GFRA1: variants seen among roughly 807,000 people sequenced by gnomAD.
The protein encoded by GFRA1 is GDNF family receptor alpha-1.
In GFRA1, 16 loss-of-function variants were observed where a neutral mutation model predicts 51.6. The observed-to-expected ratio is 0.31, with a 90% CI of 0.21 to 0.47. GFRA1 has a LOEUF of 0.47. GFRA1 is among the 20% of genes least tolerant of loss of function. The probability of loss-of-function intolerance (pLI) is 1.00; values close to 1 mark genes in which losing one functional copy is unlikely to be tolerated. For missense variants in GFRA1, 530 were observed against 594.3 expected (o/e 0.89, Z 1.13); for synonymous variants, 270 against 241.3 (o/e 1.12, Z -1.10).
rs188768257 is a variant in GFRA1 at position 116,238,233 on chromosome 10, C to T, written c.419-26588G>A. Among the ~76,000 whole-genome samples the T allele has an allele frequency of 1.9e-3, 284 of 152,304 alleles. 2 individuals are homozygous for T. Among genetic ancestry groups the T allele is most frequent in the African/African-American group, 6.6e-3 (274 of 41,562 alleles). On this transcript the variant is annotated intron_variant, in intron 4 of 10. Coordinates refer to ENST00000355422, the MANE Select transcript of GFRA1 (RefSeq NM_005264.8). ...GTGCAGCGTTTGACAACAGGAGAGC[C>T]GTGTCTTTCAATGTGGCAGGCCCTG...
intron 9 of GFRA1, among the ~76,000 whole-genome samples, chr10:116,075,966 G>T (rs568927246): frequency 5.1e-4 from 78 of 151,764 alleles, no homozygotes; most frequent in Admixed American, 2.0e-3. Flanking sequence ...AGATGGTCTC[G>T]ATCTCCTGAA....
At chr10:116,199,132 G>C (rs1210652455) in intron 5 of GFRA1, among the ~76,000 whole-genome samples, 2 of 152,118 alleles carry the variant, frequency 1.3e-5, no homozygotes, top group African/African-American at 4.8e-5. Flanking sequence ...CTTGATTTCA[G>C]ACTTCCAATC....
chr10:116,262,426 A>ACAGAAAGACATAGGTTTTT (rs1264187780), intron 4 of GFRA1, among the ~76,000 whole-genome samples: 2 of 152,214 alleles, frequency 1.3e-5, no homozygotes, highest in Non-Finnish European at 2.9e-5. Context: ...GGTCAGTGAG[A>ACAGAAAGACATAGGTTTTT]CAGAAAGACA....
intron 9 of GFRA1, among the ~76,000 whole-genome samples, chr10:116,076,527 G>A (rs183479836): frequency 6.6e-6 from 1 of 152,270 alleles, no homozygotes; most frequent in African/African-American, 2.4e-5. Context: ...TTTACCGGGT[G>A]GAGGGTTCAA....
intron 4 of GFRA1, among the ~76,000 whole-genome samples, chr10:116,221,918 TTAAGG>T (rs1965952599): frequency 1.3e-5 from 2 of 152,166 alleles, no homozygotes; most frequent in African/African-American, 2.4e-5. Context: ...ATGGCAATTG[TTAAGG>T]TAAGGTAAGG....
At chr10:116,135,893 G>A (rs1050618045) in intron 5 of GFRA1, among the ~76,000 whole-genome samples, 4 of 152,198 alleles carry the variant, frequency 2.6e-5, no homozygotes, top group African/African-American at 9.7e-5. Context: ...GGCCTACCCA[G>A]AACTCTACAA....
chr10:116,172,628 G>A (rs567892916), intron 5 of GFRA1, among the ~76,000 whole-genome samples: 2 of 152,264 alleles, frequency 1.3e-5, no homozygotes, highest in Admixed American at 6.5e-5. Flanking sequence ...TGCAGGAAGC[G>A]GCCAGGCAGG....
chr10:116,169,112 G>A (rs1960778134), intron 5 of GFRA1, among the ~76,000 whole-genome samples: 1 of 152,038 alleles, frequency 6.6e-6, no homozygotes, highest in African/African-American at 2.4e-5. Flanking sequence ...CCAACTCCAG[G>A]ACACAGGACT....
rs1035893672 is a variant in GFRA1 at position 116,062,888 on chromosome 10, T to G, written c.*1510A>C. On this transcript the variant is annotated 3_prime_UTR_variant, in exon 11 of 11. Coordinates refer to ENST00000355422, the MANE Select transcript of GFRA1 (RefSeq NM_005264.8). ...TCACCAGGGTCCTGTTCTGCTGATCTGTGCCAAGCAACTCATCTCACCAAA... is the reference window on the plus strand; with the variant it reads ...TCACCAGGGTCCTGTTCTGCTGATCGGTGCCAAGCAACTCATCTCACCAAA... 1 of 152,262 alleles carries G rather than the reference T, an allele frequency of 6.6e-6. No homozygotes were observed. Among genetic ancestry groups the G allele is most frequent in the African/African-American group, 2.4e-5 (1 of 41,462 alleles). The allele number at this position is 152,262 out of a possible 1,614,324, so 9.4% of individuals were successfully genotyped here.
intron 4 of GFRA1, among the ~76,000 whole-genome samples, chr10:116,251,802 A>T (rs1300787654): frequency 6.6e-6 from 1 of 151,958 alleles, no homozygotes; most frequent in Non-Finnish European, 1.5e-5. Context: ...AGTCACCTGG[A>T]TGGGTGGAGG....
intron 4 of GFRA1, among the ~76,000 whole-genome samples, chr10:116,237,931 A>C (rs1382807049): frequency 6.6e-6 from 1 of 152,300 alleles, no homozygotes; most frequent in Non-Finnish European, 1.5e-5. Flanking sequence ...TCACAGGGAC[A>C]CATCCAAGCT....
At chr10:116,145,498 G>A (rs1343741109) in intron 5 of GFRA1, among the ~76,000 whole-genome samples, 1 of 152,034 alleles carries the variant, frequency 6.6e-6, no homozygotes, top group African/African-American at 2.4e-5. Flanking sequence ...AGTGAGAGTC[G>A]AATCATTACA....
chr10:116,191,960 G>A (rs1476769919), intron 5 of GFRA1, among the ~76,000 whole-genome samples: 1 of 152,210 alleles, frequency 6.6e-6, no homozygotes, highest in East Asian at 1.9e-4. Context: ...CCGGGAGGCA[G>A]AGGTTGCAGT....
chr10:116,129,636 T>C (rs1485120733), intron 5 of GFRA1, among the ~76,000 whole-genome samples: 1 of 152,094 alleles, frequency 6.6e-6, no homozygotes, highest in Non-Finnish European at 1.5e-5. Flanking sequence ...CAATGTTGTA[T>C]TGGATGTCCT....
At chr10:116,210,969 G>A (rs1427085249) in intron 5 of GFRA1, among the ~76,000 whole-genome samples, 4 of 152,156 alleles carry the variant, frequency 2.6e-5, no homozygotes, top group Non-Finnish European at 5.9e-5. Context: ...TGAGTCTCCT[G>A]CTGCACCCCA....
upstream of GFRA1, among the ~76,000 whole-genome samples, chr10:116,273,995 C>G (rs1302211406): frequency 6.6e-6 from 1 of 152,198 alleles, no homozygotes; most frequent in East Asian, 1.9e-4. Context: ...AGCGGAGCCC[C>G]CAGCCCACTG....
At chr10:116,220,943 T>C (rs1386934937) in intron 4 of GFRA1, among the ~76,000 whole-genome samples, 1 of 151,862 alleles carries the variant, frequency 6.6e-6, no homozygotes, top group African/African-American at 2.4e-5. Flanking sequence ...CATACACCTG[T>C]TATTTTCTTT....
rs1370401523 is a variant in GFRA1 at position 116,058,440 on chromosome 10, G to A, written c.*5958C>T. On this transcript the variant is annotated 3_prime_UTR_variant, in exon 11 of 11. Transcript: ENST00000355422. ...TACCTGGCCAAGCTCATGGCCCTCT[G>A]AGGCCCAGAGGAGTGGCTGCCCAAG... 2 of 152,270 alleles carry A rather than the reference G, an allele frequency of 1.3e-5. No homozygotes were observed. Among genetic ancestry groups the A allele is most frequent in the African/African-American group, 4.8e-5 (2 of 41,450 alleles). 9.4% of individuals were successfully genotyped at this position (152,270 alleles called of 1,614,324 possible). A position where few individuals can be genotyped will look rare whatever the true frequency, so the allele number is the denominator to read the frequency against.
chr10:116,105,503 G>A (rs1180615972), intron 6 of GFRA1, among the ~76,000 whole-genome samples: 2 of 152,162 alleles, frequency 1.3e-5, no homozygotes, highest in Admixed American at 1.3e-4. Flanking sequence ...ATCCTGGGCA[G>A]CAAAGGTCAT....
Sources: gnomAD v4.1 joint callset for allele counts (sites outside exome capture counted in the v4.1 genomes callset) on GRCh38, gnomAD v4.1.1 for gene constraint, MANE v1.5 for transcripts, NCBI Gene and HGNC (gene_info 2026-07-23, HGNC 2026-07-21) for gene names.